The following SAMMSON variants were observed in gnomAD, a reference collection of about 807,000 sequenced individuals.
The protein encoded by SAMMSON is survival associated mitochondrial melanoma specific oncogenic non-coding RNA.
At chr3:70,240,521 T>C (rs1701657185) in intron 4 of SAMMSON, among the ~76,000 whole-genome samples, 1 of 152,150 alleles carries the variant, frequency 6.6e-6, no homozygotes, top group Non-Finnish European at 1.5e-5. Context: ...CTTCTTACTG[T>C]GAAAATCCTT....
chr3:70,087,140 C>T (rs541044835), intron 4 of SAMMSON, among the ~76,000 whole-genome samples: 34 of 152,096 alleles, frequency 2.2e-4, no homozygotes, highest in Non-Finnish European at 4.0e-4. Context: ...GTTCTCTTGC[C>T]CTGGATCTCC....
chr3:70,171,796 A>G (rs1303151692), intron 4 of SAMMSON, among the ~76,000 whole-genome samples: 3 of 151,976 alleles, frequency 2.0e-5, no homozygotes, highest in Admixed American at 2.0e-4. Context: ...AATCAAAACA[A>G]GAATCACTGG....
intron 4 of SAMMSON, among the ~76,000 whole-genome samples, chr3:70,096,613 C>A (rs530374081): frequency 2.2e-4 from 33 of 152,176 alleles, no homozygotes; most frequent in African/African-American, 7.7e-4. Flanking sequence ...CATTCTGTGA[C>A]CTTTTGTTCA....
At chr3:70,023,066 C>G (rs2067022224) in intron 3 of SAMMSON, among the ~76,000 whole-genome samples, 1 of 152,128 alleles carries the variant, frequency 6.6e-6, no homozygotes. Flanking sequence ...TGCAAAATCT[C>G]ACCTCATCTC....
At chr3:70,416,546 A>G (rs1057280700) in intron 2 of SAMMSON, among the ~76,000 whole-genome samples, 3 of 152,170 alleles carry the variant, frequency 2.0e-5, no homozygotes, top group African/African-American at 7.2e-5. Context: ...TGTCAACCAA[A>G]TCAATCTAAA....
At chr3:70,365,349 A>G (rs1702912811) in intron 9 of SAMMSON, among the ~76,000 whole-genome samples, 1 of 151,606 alleles carries the variant, frequency 6.6e-6, no homozygotes, top group Non-Finnish European at 1.5e-5. Context: ...ATGTGTGTAT[A>G]TATGTATCTA....
intron 4 of SAMMSON, among the ~76,000 whole-genome samples, chr3:70,076,751 C>T (rs1274983559): frequency 6.6e-6 from 1 of 152,108 alleles, no homozygotes; most frequent in South Asian, 2.1e-4. Flanking sequence ...AATTTATCAG[C>T]ATGTTGGAAT....
chr3:70,409,856 C>A (rs1044994675), intron 2 of SAMMSON, among the ~76,000 whole-genome samples: 1 of 152,154 alleles, frequency 6.6e-6, no homozygotes, highest in East Asian at 1.9e-4. Context: ...CGAAGGGGTA[C>A]ATGTCCCGCT....
intron 4 of SAMMSON, chr3:70,206,654 G>A (rs1260529941): frequency 2.5e-6 from 1 of 397,758 alleles, no homozygotes; most frequent in Non-Finnish European, 4.4e-6. Flanking sequence ...ACAGTGATGT[G>A]CTGGATTCTG....
At chr3:70,192,374 A>G (rs149941786) in intron 4 of SAMMSON, among the ~76,000 whole-genome samples, 3 of 152,320 alleles carry the variant, frequency 2.0e-5, no homozygotes, top group African/African-American at 7.2e-5. Context: ...CTCAGTTGCC[A>G]ATCAAGATGT....
At chr3:70,364,776 A>G (rs535258807) in intron 9 of SAMMSON, among the ~76,000 whole-genome samples, 1 of 151,548 alleles carries the variant, frequency 6.6e-6, no homozygotes, top group African/African-American at 2.4e-5. Flanking sequence ...TACATTCTAC[A>G]CCTTTTATGT....
chr3:70,180,039 T>C (rs1701040808), intron 4 of SAMMSON, among the ~76,000 whole-genome samples: 1 of 151,662 alleles, frequency 6.6e-6, no homozygotes, highest in East Asian at 1.9e-4. Context: ...CGCGCACGTG[T>C]GTGTGAAGAA....
intron 4 of SAMMSON, among the ~76,000 whole-genome samples, chr3:70,097,094 A>C (rs1360649840): frequency 6.6e-6 from 1 of 152,222 alleles, no homozygotes; most frequent in Admixed American, 6.5e-5. Flanking sequence ...TATGTGAATG[A>C]ATATTGGGTG....
chr3:70,361,038 A>G (rs1229045185), intron 9 of SAMMSON, among the ~76,000 whole-genome samples: 1 of 152,126 alleles, frequency 6.6e-6, no homozygotes, highest in Non-Finnish European at 1.5e-5. Flanking sequence ...CCATCCCTGT[A>G]TTACAGATAA....
intron 6 of SAMMSON, among the ~76,000 whole-genome samples, chr3:70,290,233 T>C (rs1164624746): frequency 1.3e-5 from 2 of 152,064 alleles, no homozygotes; most frequent in African/African-American, 4.8e-5. Flanking sequence ...TACAGATGGG[T>C]TTTTGGTGTG....
At chr3:70,364,794 C>T (rs1482617772) in intron 9 of SAMMSON, among the ~76,000 whole-genome samples, 1 of 151,686 alleles carries the variant, frequency 6.6e-6, no homozygotes, top group Non-Finnish European at 1.5e-5. Flanking sequence ...TGTTTTTAAT[C>T]TGAGCTTTAT....
chr3:70,157,341 ATTCCATACCTTAGAGCCCT>A (rs1275651428), intron 4 of SAMMSON, among the ~76,000 whole-genome samples: 1 of 152,138 alleles, frequency 6.6e-6, no homozygotes, highest in Non-Finnish European at 1.5e-5. Context: ...GCGTAGCATG[ATTCCATACCTTAGAGCCCT>A]CAGGCAAGGG....
chr3:70,150,551 G>T (rs2067567307), intron 4 of SAMMSON, among the ~76,000 whole-genome samples: 2 of 151,910 alleles, frequency 1.3e-5, no homozygotes, highest in Admixed American at 1.3e-4. Flanking sequence ...AGTTGGCTTT[G>T]TTTCTGAATT....
chr3:70,132,842 G>A (rs919435243), intron 4 of SAMMSON, among the ~76,000 whole-genome samples: 1 of 151,484 alleles, frequency 6.6e-6, no homozygotes, highest in East Asian at 1.9e-4. Context: ...CAATCAATGT[G>A]CAATGTTTGA....
Sources: gnomAD v4.1 joint callset for allele counts (sites outside exome capture counted in the v4.1 genomes callset) on GRCh38, gnomAD v4.1.1 for gene constraint, MANE v1.5 for transcripts, NCBI Gene and HGNC (gene_info 2026-07-23, HGNC 2026-07-21) for gene names.